The following OR10J1 variants were observed in gnomAD, a reference collection of about 807,000 sequenced individuals.
OR10J1 encodes the protein olfactory receptor family 10 subfamily J member 1.
For missense variants in OR10J1, 474 were observed against 376.6 expected, an observed-to-expected ratio of 1.26 and a Z score of -2.14; for synonymous variants, 202 against 143.8, an observed-to-expected ratio of 1.40 and a Z score of -2.89.
At chr1:159,416,061 G>C in the OR10J1 span, among the ~76,000 whole-genome samples, 1 of 151,880 alleles carries the variant, frequency 6.6e-6, no homozygotes, top group African/African-American at 2.4e-5. Context: ...AAATTTATTT[G>C]TAGATTTAAG....
chr1:159,423,805 C>G, the OR10J1 span, among the ~76,000 whole-genome samples: 11 of 152,316 alleles, frequency 7.2e-5, no homozygotes, highest in African/African-American at 2.6e-4. Flanking sequence ...TAGATACTGA[C>G]GTCTGGGTGC....
At chr1:159,401,166 C>T in the OR10J1 span, among the ~76,000 whole-genome samples, 2 of 150,792 alleles carry the variant, frequency 1.3e-5, no homozygotes, top group Non-Finnish European at 3.0e-5. Flanking sequence ...GAAAAAACTT[C>T]AAAAAACAAT....
chr1:159,437,247 G>A (rs1232857267), upstream of OR10J1, among the ~76,000 whole-genome samples: 1 of 152,190 alleles, frequency 6.6e-6, no homozygotes, highest in East Asian at 1.9e-4. Flanking sequence ...TGGATCTAAA[G>A]ATGGTGTGCT....
chr1:159,414,013 A>G, the OR10J1 span, among the ~76,000 whole-genome samples: 1 of 151,962 alleles, frequency 6.6e-6, no homozygotes, highest in African/African-American at 2.4e-5. Context: ...AGTATTTGTT[A>G]CATGCAGTGA....
At position 159,440,289 on chromosome 1, in the gene OR10J1, A is replaced by C. The variant is rs1655896916; in HGVS notation, c.498A>C (p.Leu166Phe). 6.2e-7 allele frequency: 1 copy of C among 1,614,002 alleles called. No homozygotes were observed. The highest frequency in any genetic ancestry group is 1.7e-5 in the Admixed American group (1 of 59,996). The change falls in exon 1 of 1, where the codon TTA becomes TTC. Residue 166 changes from leucine (L) to phenylalanine (F), a missense_variant. By Grantham distance (22) the Leu-to-Phe change is conservative. Coordinates refer to ENST00000423932, the MANE Select transcript of OR10J1 (RefSeq NM_012351.3). The part of the protein sequence containing the change: ...AITQVTSVFR[L>F]PFCARKVPHF... ...CGCAAGTGACATCTGTATTCAGGTT[A>C]CCCTTCTGTGCTAGAAAGGTGCCCC...
At chr1:159,404,656 G>C in the OR10J1 span, among the ~76,000 whole-genome samples, 1 of 152,112 alleles carries the variant, frequency 6.6e-6, no homozygotes, top group Non-Finnish European at 1.5e-5. Context: ...TGAAGACCAT[G>C]ATTTTTCTCA....
the OR10J1 span, chr1:159,406,470 G>A: frequency 3.8e-6 from 1 of 266,090 alleles, no homozygotes; most frequent in African/African-American, 2.3e-5. Flanking sequence ...TCAGTTTTTT[G>A]GATTCCTTAG....
the OR10J1 span, among the ~76,000 whole-genome samples, chr1:159,417,628 C>G: frequency 2.0e-5 from 3 of 152,108 alleles, no homozygotes; most frequent in Admixed American, 6.6e-5. Flanking sequence ...TTATAATTAA[C>G]CAGTCTCAGG....
chr1:159,403,400 C>A, the OR10J1 span, among the ~76,000 whole-genome samples: 1 of 150,600 alleles, frequency 6.6e-6, no homozygotes, highest in Non-Finnish European at 1.5e-5. Flanking sequence ...GTGTAAGGAG[C>A]ACAAACAACT....
chr1:159,432,777 G>T, the OR10J1 span: 1 of 342,494 alleles, frequency 2.9e-6, no homozygotes, highest in Non-Finnish European at 5.0e-6. Context: ...TGCCTGTGCA[G>T]ACACTACTAT....
the OR10J1 span, among the ~76,000 whole-genome samples, chr1:159,401,881 G>A: frequency 6.6e-6 from 1 of 151,750 alleles, no homozygotes; most frequent in African/African-American, 2.4e-5. Context: ...ACAATACATT[G>A]GAAAGATCAT....
chr1:159,434,980 G>T (rs1655695301), upstream of OR10J1, among the ~76,000 whole-genome samples: 1 of 152,148 alleles, frequency 6.6e-6, no homozygotes, highest in South Asian at 2.1e-4. Flanking sequence ...TCTTGACTTT[G>T]TAACTGGGCT....
the OR10J1 span, among the ~76,000 whole-genome samples, chr1:159,404,214 A>G: frequency 3.3e-5 from 5 of 152,168 alleles, no homozygotes; most frequent in South Asian, 2.1e-4. Flanking sequence ...GGATGACTAT[A>G]GTCAAAAATA....
At chr1:159,403,532 A>C in the OR10J1 span, among the ~76,000 whole-genome samples, 1 of 152,224 alleles carries the variant, frequency 6.6e-6, no homozygotes, top group African/African-American at 2.4e-5. Flanking sequence ...GTCATTGATC[A>C]TCAGAGAAAT....
At chr1:159,424,152 G>T in the OR10J1 span, among the ~76,000 whole-genome samples, 5 of 149,536 alleles carry the variant, frequency 3.3e-5, no homozygotes. Context: ...GGAGACGGAG[G>T]TTGTATTGAG....
At chr1:159,439,201 G>A (rs536054702), upstream of OR10J1, among the ~76,000 whole-genome samples, 32 of 152,266 alleles carry the variant, frequency 2.1e-4, no homozygotes, top group South Asian at 8.3e-4. Flanking sequence ...TAAAGGATGC[G>A]CAAGGAGGAT....
the OR10J1 span, among the ~76,000 whole-genome samples, chr1:159,407,963 T>G: frequency 1.3e-5 from 2 of 152,090 alleles, no homozygotes; most frequent in Non-Finnish European, 2.9e-5. Flanking sequence ...GGTGCTATGA[T>G]AGAGCTTAGT....
At chr1:159,403,859 C>T in the OR10J1 span, among the ~76,000 whole-genome samples, 1 of 152,062 alleles carries the variant, frequency 6.6e-6, no homozygotes, top group Non-Finnish European at 1.5e-5. Context: ...TTGGAAGCAA[C>T]CTAAGTGTCC....
the OR10J1 span, among the ~76,000 whole-genome samples, chr1:159,414,747 T>G: frequency 6.6e-6 from 1 of 151,758 alleles, no homozygotes; most frequent in Admixed American, 6.6e-5. Context: ...CTTCTGTTAT[T>G]TATTAATTTT....
Sources: allele counts gnomAD v4.1 joint callset (sites outside exome capture counted in the v4.1 genomes callset), GRCh38; gene constraint gnomAD v4.1.1; transcripts MANE v1.5; gene names NCBI Gene and HGNC (gene_info 2026-07-23, HGNC 2026-07-21).